Variants in ROBO2 observed in about 807,000 individuals in gnomAD.
ROBO2 encodes roundabout homolog 2.
A neutral mutation model predicts 160.8 loss-of-function variants in ROBO2; 53 were observed. The observed-to-expected ratio is 0.33, with a 90% CI of 0.26 to 0.41. The LOEUF (loss-of-function observed/expected upper bound fraction) is 0.41, where lower values mean the gene tolerates loss of function less well. Ranked by LOEUF, ROBO2 falls within the 10% of genes least tolerant of loss-of-function variation. The pLI, the probability that ROBO2 is intolerant of heterozygous loss-of-function variation, is 1.00. For missense variants in ROBO2, 1,577 were observed against 1,722.4 expected (o/e 0.92, Z 1.49); for synonymous variants, 664 against 611.7 (o/e 1.09, Z -1.26).
At chr3:76,423,579 C>A (rs1038241973) in intron 2 of ROBO2, among the ~76,000 whole-genome samples, 1 of 152,032 alleles carries the variant, frequency 6.6e-6, no homozygotes, top group Non-Finnish European at 1.5e-5. Context: ...AAGCAGGGAG[C>A]AACCAAGAGA....
chr3:76,308,040 A>T (rs1400415923), intron 2 of ROBO2, among the ~76,000 whole-genome samples: 1 of 151,796 alleles, frequency 6.6e-6, no homozygotes, highest in Non-Finnish European at 1.5e-5. Flanking sequence ...GGTGACTTAA[A>T]CTCTCTGTGC....
chr3:77,513,061 A>T (rs1364146958), intron 5 of ROBO2, among the ~76,000 whole-genome samples: 1 of 151,926 alleles, frequency 6.6e-6, no homozygotes, highest in Non-Finnish European at 1.5e-5. Context: ...GGTGCTTTTG[A>T]GATGAGAATG....
chr3:76,961,872 G>A (rs774355875), intron 2 of ROBO2, among the ~76,000 whole-genome samples: 2 of 152,088 alleles, frequency 1.3e-5, no homozygotes, highest in Non-Finnish European at 2.9e-5. Flanking sequence ...TGATAATTCA[G>A]CGATTCATTC....
intron 2 of ROBO2, among the ~76,000 whole-genome samples, chr3:77,258,287 A>C (rs189124191): frequency 6.6e-6 from 1 of 152,250 alleles, no homozygotes; most frequent in Admixed American, 6.5e-5. Flanking sequence ...GGCTTAAGTT[A>C]TAACCAAAAT....
chr3:76,898,840 T>C (rs1048351105), intron 2 of ROBO2, among the ~76,000 whole-genome samples: 1 of 152,146 alleles, frequency 6.6e-6, no homozygotes, highest in Non-Finnish European at 1.5e-5. Flanking sequence ...GTTAAAAATA[T>C]ATGTTCTATT....
chr3:77,346,184 A>G (rs372771937), intron 2 of ROBO2, among the ~76,000 whole-genome samples: 6 of 152,164 alleles, frequency 3.9e-5, no homozygotes, highest in African/African-American at 1.2e-4. Context: ...TCAAACTTGC[A>G]TTTAGTGTAT....
chr3:77,196,939 T>TA (rs1427592388), intron 2 of ROBO2, among the ~76,000 whole-genome samples: 1 of 148,432 alleles, frequency 6.7e-6, no homozygotes, highest in Admixed American at 6.7e-5. Flanking sequence ...TTGGCTTAAT[T>TA]AAAAAAAAGG....
chr3:76,598,877 A>G (rs2086909529), intron 2 of ROBO2, among the ~76,000 whole-genome samples: 1 of 152,148 alleles, frequency 6.6e-6, no homozygotes, highest in Non-Finnish European at 1.5e-5. Flanking sequence ...CATCTACGTA[A>G]CGAAGCAACA....
chr3:76,482,534 C>T (rs1316772376), intron 2 of ROBO2, among the ~76,000 whole-genome samples: 3 of 152,098 alleles, frequency 2.0e-5, no homozygotes, highest in Admixed American at 6.6e-5. Context: ...TTTTACTGAT[C>T]ACAGTCGTAG....
chr3:76,782,122 C>A (rs1413991113), intron 2 of ROBO2, among the ~76,000 whole-genome samples: 1 of 150,592 alleles, frequency 6.6e-6, no homozygotes, highest in Non-Finnish European at 1.5e-5. Context: ...TCATCCATTT[C>A]CCTTTTGATT....
At chr3:76,395,458 G>A (rs2077383525) in intron 2 of ROBO2, among the ~76,000 whole-genome samples, 1 of 79,730 alleles carries the variant, frequency 1.3e-5, no homozygotes, top group Non-Finnish European at 2.3e-5. Context: ...CTAGCAGAAG[G>A]CAAGAAATAA....
chr3:75,969,101 C>A (rs960328898), intron 2 of ROBO2, among the ~76,000 whole-genome samples: 2 of 149,546 alleles, frequency 1.3e-5, no homozygotes, highest in African/African-American at 4.9e-5. Flanking sequence ...TCAAAAATGG[C>A]AATTTTAATC....
chr3:77,187,168 A>T (rs2150907501), intron 2 of ROBO2, among the ~76,000 whole-genome samples: 1 of 152,130 alleles, frequency 6.6e-6, no homozygotes, highest in African/African-American at 2.4e-5. Flanking sequence ...ATATTAAAAT[A>T]TTTCTTCTAT....
In ROBO2 at chr3:77,562,893, C is replaced by T. The variant is rs563092477; in HGVS notation, c.1519+161C>T. On this transcript the variant is annotated intron_variant, in intron 10 of 25. Transcript: ENST00000461745. Reference sequence around the variant, plus strand: ...TAATTCATGCATGAATTTGCACACACCATTACATTTGTGGAATTTAATACA... The same window carrying T: ...TAATTCATGCATGAATTTGCACACATCATTACATTTGTGGAATTTAATACA... 1.8e-4 allele frequency among the ~76,000 whole-genome samples: 27 copies of T among 152,228 alleles called. No homozygotes were observed. In the South Asian group the frequency reaches 2.7e-3, roughly 15 times the overall value.
intron 2 of ROBO2, among the ~76,000 whole-genome samples, chr3:76,049,403 A>ATATATATTTTTTTTT (rs1414664360): frequency 5.6e-5 from 3 of 53,758 alleles, no homozygotes; most frequent in Non-Finnish European, 8.2e-5. Flanking sequence ...ATATATATAT[A>ATATATATTTTTTTTT]TTTTTTTTTT....
At chr3:76,070,633 T>C (rs2068421068) in intron 2 of ROBO2, among the ~76,000 whole-genome samples, 1 of 152,106 alleles carries the variant, frequency 6.6e-6, no homozygotes, top group Non-Finnish European at 1.5e-5. Flanking sequence ...CCCACACCTA[T>C]TCGCACACTC....
chr3:75,951,552 T>C (rs181100158), intron 2 of ROBO2, among the ~76,000 whole-genome samples: 54 of 152,198 alleles, frequency 3.5e-4, no homozygotes, highest in Middle Eastern at 6.8e-3. Context: ...TGAAATGTTA[T>C]TTATGAGAAA....
chr3:77,323,206 C>G (rs2065001351), intron 2 of ROBO2, among the ~76,000 whole-genome samples: 2 of 151,058 alleles, frequency 1.3e-5, no homozygotes, highest in South Asian at 4.2e-4. Context: ...ATTTCCCACA[C>G]TGACTATCAC....
At chr3:77,313,018 G>A (rs1303993474) in intron 2 of ROBO2, among the ~76,000 whole-genome samples, 2 of 152,154 alleles carry the variant, frequency 1.3e-5, no homozygotes, top group Non-Finnish European at 2.9e-5. Flanking sequence ...TTGGAACCCA[G>A]CAGTTGCATC....
Sources: allele counts gnomAD v4.1 joint callset (sites outside exome capture counted in the v4.1 genomes callset), GRCh38; gene constraint gnomAD v4.1.1; transcripts MANE v1.5; gene names NCBI Gene and HGNC (gene_info 2026-07-23, HGNC 2026-07-21).